The following PACRGL variants were observed in gnomAD, a reference collection of about 807,000 sequenced individuals.
PACRGL encodes parkin coregulated like, also known as PACRG-like protein.
In PACRGL, 38 loss-of-function variants were observed where a neutral mutation model predicts 34.5. The observed-to-expected ratio is 1.10, with a 90% CI of 0.85 to 1.44. PACRGL has a LOEUF of 1.44. Among genes scored for constraint, PACRGL ranks in the 40% most tolerant of loss-of-function variants. The pLI, the probability that PACRGL is intolerant of heterozygous loss-of-function variation, is 0.00. For missense variants in PACRGL, 305 were observed against 281.4 expected, an observed-to-expected ratio of 1.08 and a Z score of -0.60; for synonymous variants, 128 against 100.1, an observed-to-expected ratio of 1.28 and a Z score of -1.66.
At chr4:20,751,241 A>G (rs559887625) in intron 8 of PACRGL, among the ~76,000 whole-genome samples, 63 of 152,328 alleles carry the variant, frequency 4.1e-4, no homozygotes, top group African/African-American at 1.4e-3. Context: ...ACTAACCAAG[A>G]ACCAAAATTG....
In PACRGL at chr4:20,731,589, C is replaced by G. The variant is rs1047390487; in HGVS notation, c.*4248C>G. On this transcript the variant is annotated 3_prime_UTR_variant, in exon 9 of 9. Transcript: ENST00000503585. ...AAACAATGACTTTTCTCTTAGAAAT[C>G]AGATAGAAGCTTGGCCTGTTGTGAT... 5.1e-6 allele frequency: 5 copies of G among 985,198 alleles called. No individual in the cohort carries two copies. Among genetic ancestry groups the G allele is most frequent in the Admixed American group, 1.2e-4 (2 of 16,246 alleles). The allele number at this position is 985,198 out of a possible 1,614,324, so 61.0% of individuals were successfully genotyped here.
At position 20,707,870 on chromosome 4, in the gene PACRGL, G is replaced by C; in HGVS notation, c.275G>C (p.Arg92Thr). The C allele has an allele frequency of 6.2e-7, 1 of 1,608,372 alleles. No individual in the cohort carries two copies. Among genetic ancestry groups the C allele is most frequent in the Non-Finnish European group, 8.5e-7 (1 of 1,175,162 alleles). Residue 92 changes from arginine (R) to threonine (T), a missense_variant and splice_region_variant, in exon 4 of 9, where the codon AGA becomes ACA. Coordinates refer to ENST00000503585, the MANE Select transcript of PACRGL (RefSeq NM_001258345.3). ...TACTCTAAAGGAGGTATTCCTTGCA[G>C]GTAAAATCAATATGATTTATAACTG... ...AIYSKGGIPC[R>T]LVHGSVKHRL...
intron 7 of PACRGL, among the ~76,000 whole-genome samples, chr4:20,713,904 A>T (rs1451063600): frequency 3.3e-5 from 5 of 152,076 alleles, no homozygotes; most frequent in African/African-American, 7.2e-5. Context: ...TGCTGAGGAG[A>T]GCTTTACTTC....
At chr4:20,745,595 T>C (rs1752249351) in intron 8 of PACRGL, among the ~76,000 whole-genome samples, 1 of 152,184 alleles carries the variant, frequency 6.6e-6, no homozygotes, top group African/African-American at 2.4e-5. Context: ...GTTATATCTG[T>C]TCCCTAAAGT....
chr4:20,724,073 A>G (rs1329875840), intron 7 of PACRGL, among the ~76,000 whole-genome samples: 2 of 152,220 alleles, frequency 1.3e-5, no homozygotes, highest in Non-Finnish European at 2.9e-5. Flanking sequence ...CCAGTTACTG[A>G]ACCCCTGTAT....
At chr4:20,726,366 GTTA>G (rs1220967882) in intron 8 of PACRGL, among the ~76,000 whole-genome samples, 4 of 152,128 alleles carry the variant, frequency 2.6e-5, no homozygotes, top group East Asian at 3.9e-4. Context: ...TACAAGGGCT[GTTA>G]TTATTTATTT....
At chr4:20,754,508 C>T (rs1418643135), downstream of PACRGL, among the ~76,000 whole-genome samples, 1 of 152,168 alleles carries the variant, frequency 6.6e-6, no homozygotes, top group Non-Finnish European at 1.5e-5. Flanking sequence ...TTCCTTAGGA[C>T]ATTTTTCCTT....
At chr4:20,740,515 A>T (rs1178168222) in intron 8 of PACRGL, among the ~76,000 whole-genome samples, 1 of 152,224 alleles carries the variant, frequency 6.6e-6, no homozygotes, top group African/African-American at 2.4e-5. Context: ...TTTACAGACA[A>T]GCAAATGCTG....
At chr4:20,757,350 A>G (rs1157290780), downstream of PACRGL, among the ~76,000 whole-genome samples, 1 of 152,132 alleles carries the variant, frequency 6.6e-6, no homozygotes, top group Admixed American at 6.5e-5. Context: ...AGTATTGCTG[A>G]CCTCAAGTTA....
downstream of PACRGL, among the ~76,000 whole-genome samples, chr4:20,734,219 C>A (rs901606763): frequency 1.3e-5 from 2 of 152,096 alleles, no homozygotes; most frequent in East Asian, 3.8e-4. Context: ...ATTTGGAGAC[C>A]CCACCATTGC....
chr4:20,701,736 A>G, intron 1 of PACRGL: 1 of 396,246 alleles, frequency 2.5e-6, no homozygotes, highest in East Asian at 7.4e-5. Context: ...AATTGGCTCC[A>G]GGACTCCCTC....
intron 8 of PACRGL, among the ~76,000 whole-genome samples, chr4:20,739,721 C>G (rs950019032): frequency 6.6e-6 from 1 of 152,122 alleles, no homozygotes; most frequent in Admixed American, 6.5e-5. Flanking sequence ...AGCAATGGAA[C>G]AAAGCTGGAT....
intron 8 of PACRGL, among the ~76,000 whole-genome samples, chr4:20,725,756 TTTGA>T (rs1281005679): frequency 6.6e-6 from 1 of 151,858 alleles, no homozygotes; most frequent in African/African-American, 2.4e-5. Context: ...CAATGAGTTG[TTTGA>T]TTGATTATAT....
chr4:20,702,182 AT>A (rs1460000773), intron 1 of PACRGL: 1 of 456,684 alleles, frequency 2.2e-6, no homozygotes, highest in Non-Finnish European at 4.4e-6. Context: ...GAAGATAGAA[AT>A]TTAGCCATAA....
intron 8 of PACRGL, among the ~76,000 whole-genome samples, chr4:20,737,886 C>G (rs1313301273): frequency 6.6e-6 from 1 of 152,174 alleles, no homozygotes; most frequent in Non-Finnish European, 1.5e-5. Flanking sequence ...AATCCCAGCA[C>G]TTTGGGTGGT....
intron 7 of PACRGL, among the ~76,000 whole-genome samples, chr4:20,722,110 G>T (rs937709850): frequency 6.6e-6 from 1 of 152,254 alleles, no homozygotes; most frequent in African/African-American, 2.4e-5. Flanking sequence ...CCATGGGCAT[G>T]GGACTCTCTG....
chr4:20,754,405 T>TG (rs141760147), downstream of PACRGL, among the ~76,000 whole-genome samples: 110 of 152,302 alleles, frequency 7.2e-4, no homozygotes, highest in East Asian at 7.3e-3. Flanking sequence ...GAAAAACTGT[T>TG]GCATTCAGAC....
Position 20,727,267 on chromosome 4 carries a change from AT to A in PACRGL, c.691-11del, listed in dbSNP as rs756299319. 63 of 1,598,736 alleles carry A rather than the reference AT, an allele frequency of 3.9e-5. No homozygotes were observed. The highest frequency in any genetic ancestry group is 5.2e-5 in the Non-Finnish European group (61 of 1,166,448). ...CTCTGCATGATACTAATGATGCTCA[AT>A]TTTTTTCTGTTGACAGGGGAGCCTT... On this transcript the variant is annotated splice_polypyrimidine_tract_variant and intron_variant, in intron 8 of 8. Coordinates refer to ENST00000503585, the MANE Select transcript of PACRGL (RefSeq NM_001258345.3).
At chr4:20,736,396 A>G (rs1034652833), downstream of PACRGL, among the ~76,000 whole-genome samples, 1 of 151,970 alleles carries the variant, frequency 6.6e-6, no homozygotes, top group Non-Finnish European at 1.5e-5. Flanking sequence ...TAAATGAGAT[A>G]TTTTTTTCTA....
Sources: gnomAD v4.1 joint callset for allele counts (sites outside exome capture counted in the v4.1 genomes callset) on GRCh38, gnomAD v4.1.1 for gene constraint, MANE v1.5 for transcripts, NCBI Gene and HGNC (gene_info 2026-07-23, HGNC 2026-07-21) for gene names.